The following ZNF711 variants were observed in gnomAD, a reference collection of about 807,000 sequenced individuals.
ZNF711 encodes zinc finger protein 711.
In ZNF711, 3 loss-of-function variants were observed where a neutral mutation model predicts 43.5. The observed-to-expected ratio is 0.07, with a 90% CI of 0.03 to 0.18. The LOEUF (loss-of-function observed/expected upper bound fraction) is 0.18, where lower values mean the gene tolerates loss of function less well. ZNF711 is among the 10% of genes least tolerant of loss of function. ZNF711 has a pLI of 1.00. For synonymous variants in ZNF711, 209 were observed against 207.7 expected (o/e 1.01, Z -0.06); for missense variants, 412 against 604.0 (o/e 0.68, Z 3.33).
chrX:85,260,240 A>G (rs780912392), intron 5 of ZNF711, among the ~76,000 whole-genome samples: 30 of 110,769 alleles, frequency 2.7e-4, no homozygotes, highest in Non-Finnish European at 4.6e-4. Context: ...CTTGGAATGA[A>G]ACCTAGTTGA....
At position 85,262,636 on chromosome X, in the gene ZNF711, A is replaced by G. The variant is rs926328849; in HGVS notation, c.623-1639A>G. 1.5e-4 allele frequency among the ~76,000 whole-genome samples: 16 copies of G among 103,903 alleles called. No homozygotes were observed. The South Asian group carries it at 2.6e-3, about 17-fold the overall frequency. 90.2% of individuals were successfully genotyped at this position (103,903 alleles called of 115,157 possible). A position where few individuals can be genotyped will look rare whatever the true frequency, so the allele number is the denominator to read the frequency against. Reference sequence around the variant, plus strand: ...TGTACCATTGTCAAAAATGTTGCCAAAAGTTTAGTAATATAATTAGGAGCT... The same window carrying G: ...TGTACCATTGTCAAAAATGTTGCCAGAAGTTTAGTAATATAATTAGGAGCT... On this transcript the variant is annotated intron_variant, in intron 5 of 10. Transcript: ENST00000674551.
intron 5 of ZNF711, among the ~76,000 whole-genome samples, chrX:85,260,605 GC>G (rs56104601): frequency 0.53 from 48,911 of 92,255 alleles, 10,247 homozygotes; most frequent in South Asian, 0.73. Context: ...TTAGCTGTTA[GC>G]CCCCCCCCCA....
intron 5 of ZNF711, among the ~76,000 whole-genome samples, chrX:85,257,607 A>C (rs150575892): frequency 0.018 from 2,052 of 112,082 alleles, 33 homozygotes; most frequent in African/African-American, 0.046. Context: ...TGTCTTTGCT[A>C]TTGTAAATAA....
At chrX:85,269,140 G>A (rs1931341106) in intron 9 of ZNF711, among the ~76,000 whole-genome samples, 2 of 111,247 alleles carry the variant, frequency 1.8e-5, no homozygotes, top group African/African-American at 6.5e-5. Context: ...ATCTTAATAT[G>A]TAGTACTCTT....
At chrX:85,244,588 T>C (rs1319917019) in intron 1 of ZNF711, among the ~76,000 whole-genome samples, 1 of 111,026 alleles carries the variant, frequency 9.0e-6, no homozygotes, top group Non-Finnish European at 1.9e-5. Flanking sequence ...TTCTTTTCAC[T>C]GGCGCCCCAG....
intron 3 of ZNF711, 160 bp downstream of exon 3, chrX:85,247,348 G>T (rs902924238): frequency 8.6e-5 from 30 of 350,084 alleles, no homozygotes; most frequent in Middle Eastern, 1.5e-3. Context: ...ATTATTTTTG[G>T]TTTACTTCCA....
chrX:85,254,761 C>T (rs1929950581), intron 4 of ZNF711, among the ~76,000 whole-genome samples: 1 of 98,597 alleles, frequency 1.0e-5, no homozygotes, highest in African/African-American at 3.8e-5. Context: ...GAGATCGCGC[C>T]ACCGCACTCC....
chrX:85,248,759 T>A (rs950142311), intron 4 of ZNF711, among the ~76,000 whole-genome samples: 4 of 111,575 alleles, frequency 3.6e-5, no homozygotes, highest in African/African-American at 1.3e-4. Flanking sequence ...ATGGAATTGT[T>A]GAAGCTGAAA....
In ZNF711 at chrX:85,249,729, C is replaced by T. The variant is rs185601828; in HGVS notation, c.79+2078C>T. On this transcript the variant is annotated intron_variant, in intron 4 of 10. Coordinates refer to ENST00000674551, the MANE Select transcript of ZNF711 (RefSeq NM_001330574.2). ...TACATTCACATACCATTCCATTCAT[C>T]CATTTTTATAAAGTATACAATTCAA... is the stretch of plus-strand genomic sequence containing the variant. Among the ~76,000 whole-genome samples, 36 of 111,377 alleles carry T rather than the reference C, an allele frequency of 3.2e-4. No homozygotes were observed. In the East Asian group the frequency reaches 7.8e-3, roughly 24 times the overall value.
At chrX:85,261,831 C>A (rs1213296593) in intron 5 of ZNF711, among the ~76,000 whole-genome samples, 4 of 110,753 alleles carry the variant, frequency 3.6e-5, no homozygotes, top group Non-Finnish European at 5.7e-5. Context: ...ATATTGCATA[C>A]CTTACAACAA....
intron 4 of ZNF711, among the ~76,000 whole-genome samples, chrX:85,254,922 ACCAG>A (rs1325364554): frequency 9.0e-6 from 1 of 111,576 alleles, no homozygotes; most frequent in East Asian, 2.8e-4. Flanking sequence ...CCACATCCTC[ACCAG>A]CCTATGGTGC....
At chrX:85,259,235 G>A (rs1253823169) in intron 5 of ZNF711, among the ~76,000 whole-genome samples, 5 of 111,166 alleles carry the variant, frequency 4.5e-5, no homozygotes, top group African/African-American at 1.6e-4. Context: ...TTGTTTATGG[G>A]TTCTCTTTTC....
At chrX:85,251,915 A>G (rs374544519) in intron 4 of ZNF711, among the ~76,000 whole-genome samples, 6 of 111,294 alleles carry the variant, frequency 5.4e-5, no homozygotes, top group Admixed American at 2.9e-4. Flanking sequence ...AACCTTATAT[A>G]ACATCTGTAA....
At chrX:85,268,966 G>A (rs17004159) in intron 9 of ZNF711, among the ~76,000 whole-genome samples, 23,952 of 110,939 alleles carry the variant, frequency 0.22, 2,459 homozygotes, top group African/African-American at 0.4. Flanking sequence ...ATCACAGCAT[G>A]TAAGTTAACC....
At chrX:85,246,875 A>T (rs1212696272) in intron 2 of ZNF711, 55 bp from the exon 3 acceptor site, 1 of 295,060 alleles carries the variant, frequency 3.4e-6, no homozygotes, top group Admixed American at 6.2e-5. Context: ...AAATGCTGAG[A>T]TAAATAATTT....
intron 4 of ZNF711, among the ~76,000 whole-genome samples, chrX:85,252,878 T>C (rs758746786): frequency 5.4e-5 from 6 of 111,774 alleles, no homozygotes; most frequent in Non-Finnish European, 1.1e-4. Context: ...CCTTGTTCTT[T>C]GATGTGTTAG....
At chrX:85,265,078 A>G in intron 6 of ZNF711, 40 bp from the exon 7 acceptor site, 3 of 1,170,725 alleles carry the variant, frequency 2.6e-6, no homozygotes, top group Non-Finnish European at 3.5e-6. Context: ...TGGTTATTCC[A>G]TGATACTTCT....
chrX:85,249,378 G>A (rs1862743118), intron 4 of ZNF711, among the ~76,000 whole-genome samples: 1 of 111,097 alleles, frequency 9.0e-6, no homozygotes, highest in Admixed American at 9.5e-5. Context: ...AAGTATTATA[G>A]TAGTTTCTCC....
intron 5 of ZNF711, among the ~76,000 whole-genome samples, chrX:85,257,637 C>T (rs763717845): frequency 1.8e-5 from 2 of 112,515 alleles, no homozygotes; most frequent in South Asian, 7.3e-4. Flanking sequence ...GAACACACAA[C>T]TGTGTGTGTC....
Sources: gnomAD v4.1 joint callset for allele counts (sites outside exome capture counted in the v4.1 genomes callset) on GRCh38, gnomAD v4.1.1 for gene constraint, MANE v1.5 for transcripts, NCBI Gene and HGNC (gene_info 2026-07-23, HGNC 2026-07-21) for gene names.